RIMS2: variants seen among roughly 807,000 people sequenced by gnomAD.
RIMS2 encodes the protein regulating synaptic membrane exocytosis protein 2.
RIMS2 carries 59 observed loss-of-function variants against 174.4 expected under a neutral mutation model. That is an observed-to-expected ratio of 0.34 (90% confidence interval 0.27 to 0.42). The LOEUF (loss-of-function observed/expected upper bound fraction) is 0.42, where lower values mean the gene tolerates loss of function less well. Ranked by LOEUF, RIMS2 falls within the 10% of genes least tolerant of loss-of-function variation. RIMS2 has a pLI of 1.00. For synonymous variants in RIMS2, 606 were observed against 572.5 expected (o/e 1.06, Z -0.84); for missense variants, 1,620 against 1,666.3 (o/e 0.97, Z 0.48).
intron 19 of RIMS2, among the ~76,000 whole-genome samples, chr8:104,045,110 G>T (rs142119477): frequency 1.6e-4 from 25 of 151,870 alleles, no homozygotes; most frequent in African/African-American, 5.8e-4. Context: ...ATGCAAGTTG[G>T]TTATCTTTCT....
chr8:104,168,184 T>C (rs1274308050), intron 19 of RIMS2, among the ~76,000 whole-genome samples: 2 of 152,146 alleles, frequency 1.3e-5, no homozygotes, highest in Non-Finnish European at 2.9e-5. Flanking sequence ...TTAGGATTTT[T>C]TTCTAGCTCT....
chr8:103,871,803 G>A (rs1407864843), intron 3 of RIMS2, among the ~76,000 whole-genome samples: 1 of 151,702 alleles, frequency 6.6e-6, no homozygotes, highest in African/African-American at 2.4e-5. Flanking sequence ...TTTACATTTA[G>A]TTCTTTTGGG....
At chr8:104,166,231 T>G (rs1335240362) in intron 19 of RIMS2, among the ~76,000 whole-genome samples, 3 of 151,706 alleles carry the variant, frequency 2.0e-5, no homozygotes, top group African/African-American at 7.3e-5. Flanking sequence ...CACGCCCGGC[T>G]AATTTTTTGT....
intron 3 of RIMS2, among the ~76,000 whole-genome samples, chr8:103,854,613 T>C (rs1289886009): frequency 1.3e-5 from 2 of 152,046 alleles, no homozygotes; most frequent in African/African-American, 4.8e-5. Context: ...TCTGCATCTA[T>C]TGAGATGAAC....
At chr8:104,214,779 G>A (rs745689328) in intron 19 of RIMS2, among the ~76,000 whole-genome samples, 3 of 152,176 alleles carry the variant, frequency 2.0e-5, no homozygotes, top group Non-Finnish European at 2.9e-5. Context: ...GTGGGAATCA[G>A]CTGATGATGA....
At chr8:103,554,418 C>T (rs533673038) in intron 1 of RIMS2, among the ~76,000 whole-genome samples, 18 of 152,168 alleles carry the variant, frequency 1.2e-4, no homozygotes, top group East Asian at 9.7e-4. Context: ...GACATATACG[C>T]GGCCAACAAG....
chr8:104,076,595 T>C lies in RIMS2; in HGVS notation c.3334+61980T>C, dbSNP rs2097296984. On this transcript the variant is annotated intron_variant, in intron 19 of 23. Transcript: ENST00000504942. ...TACAGTAATAGAGATATATGGACAG[T>C]TTGATAATCACTCTTCAATATATTT... is the stretch of plus-strand genomic sequence containing the variant. Among the ~76,000 whole-genome samples, 5 of 152,090 alleles carry C rather than the reference T, an allele frequency of 3.3e-5. No individual in the cohort carries two copies. The South Asian group carries it at 8.3e-4, about 25-fold the overall frequency.
chr8:103,597,652 G>A (rs2094528862), intron 1 of RIMS2, among the ~76,000 whole-genome samples: 1 of 151,996 alleles, frequency 6.6e-6, no homozygotes. Flanking sequence ...ACAGTGATTT[G>A]AAACCTATAG....
chr8:104,116,320 G>A (rs2046919548), intron 19 of RIMS2, among the ~76,000 whole-genome samples: 1 of 152,062 alleles, frequency 6.6e-6, no homozygotes, highest in South Asian at 2.1e-4. Flanking sequence ...GTATTTCACA[G>A]GTATGAAAAG....
At chr8:103,680,968 A>G (rs551280300) in intron 1 of RIMS2, among the ~76,000 whole-genome samples, 3 of 152,000 alleles carry the variant, frequency 2.0e-5, no homozygotes, top group Admixed American at 6.6e-5. Context: ...TTCTGCGTAA[A>G]TGCCCTAGGG....
At chr8:104,100,677 G>A (rs889710875) in intron 19 of RIMS2, among the ~76,000 whole-genome samples, 2 of 150,688 alleles carry the variant, frequency 1.3e-5, no homozygotes, top group African/African-American at 2.4e-5. Context: ...CTTAAAGAAC[G>A]GATATAGCTG....
intron 1 of RIMS2, among the ~76,000 whole-genome samples, chr8:103,549,175 C>T (rs1387935877): frequency 6.6e-6 from 1 of 151,910 alleles, no homozygotes; most frequent in Non-Finnish European, 1.5e-5. Context: ...TTGTCAGATT[C>T]ACCAAAGTTG....
intron 13 of RIMS2, among the ~76,000 whole-genome samples, chr8:103,938,075 A>C (rs1317283484): frequency 6.6e-6 from 1 of 152,130 alleles, no homozygotes; most frequent in Non-Finnish European, 1.5e-5. Flanking sequence ...TTTTCTTTAA[A>C]AAGAAAATGG....
At chr8:103,871,785 G>C (rs888603814) in intron 3 of RIMS2, among the ~76,000 whole-genome samples, 10 of 147,302 alleles carry the variant, frequency 6.8e-5, no homozygotes, top group African/African-American at 2.0e-4. Context: ...GAAGGTGTTT[G>C]TTTTTTTTTT....
chr8:103,550,049 A>G (rs570392619), intron 1 of RIMS2, among the ~76,000 whole-genome samples: 3 of 152,276 alleles, frequency 2.0e-5, no homozygotes, highest in African/African-American at 7.2e-5. Flanking sequence ...CAGATCAACG[A>G]GAGAGAAAGT....
intron 1 of RIMS2, among the ~76,000 whole-genome samples, chr8:103,659,663 C>T (rs966622501): frequency 1.3e-5 from 2 of 152,192 alleles, no homozygotes; most frequent in African/African-American, 4.8e-5. Flanking sequence ...AAAAGCAGCC[C>T]CCGCTCCTCC....
chr8:103,952,297 C>T (rs752489373), intron 14 of RIMS2, among the ~76,000 whole-genome samples: 2 of 152,160 alleles, frequency 1.3e-5, no homozygotes, highest in Non-Finnish European at 2.9e-5. Context: ...GTCCCTGACC[C>T]CCATGTATCC....
At chr8:103,979,767 G>C (rs952527893) in intron 16 of RIMS2, among the ~76,000 whole-genome samples, 1 of 152,190 alleles carries the variant, frequency 6.6e-6, no homozygotes, top group East Asian at 1.9e-4. Context: ...GAGAGTCTGT[G>C]CATTTGGGAG....
chr8:104,132,691 CA>C (rs1481851760), intron 19 of RIMS2, among the ~76,000 whole-genome samples: 1 of 152,090 alleles, frequency 6.6e-6, no homozygotes, highest in Non-Finnish European at 1.5e-5. Flanking sequence ...TACGGTAAGG[CA>C]GAGTAACAGC....
Sources: gnomAD v4.1 joint callset for allele counts (sites outside exome capture counted in the v4.1 genomes callset) on GRCh38, gnomAD v4.1.1 for gene constraint, MANE v1.5 for transcripts, NCBI Gene and HGNC (gene_info 2026-07-23, HGNC 2026-07-21) for gene names.